Variants in XKR6 observed in about 807,000 individuals in gnomAD.
XKR6 encodes the protein XK related 6.
In XKR6, 22 loss-of-function variants were observed where a neutral mutation model predicts 56.7. The observed-to-expected ratio is 0.39, with a 90% CI of 0.28 to 0.55. The LOEUF is 0.55. Among genes scored for constraint, XKR6 ranks in the 20% least tolerant of loss-of-function variants. XKR6 has a pLI of 0.66. For missense variants in XKR6, 852 were observed against 889.0 expected (o/e 0.96, Z 0.53); for synonymous variants, 524 against 387.8 (o/e 1.35, Z -4.13).
At chr8:11,150,679 C>G (rs2116973014) in intron 1 of XKR6, among the ~76,000 whole-genome samples, 1 of 151,962 alleles carries the variant, frequency 6.6e-6, no homozygotes, top group Non-Finnish European at 1.5e-5. Context: ...ATGGTGAAAC[C>G]CCGTCTCTAC....
At chr8:10,995,174 G>A (rs977007511) in intron 1 of XKR6, among the ~76,000 whole-genome samples, 1 of 152,014 alleles carries the variant, frequency 6.6e-6, no homozygotes, top group Non-Finnish European at 1.5e-5. Flanking sequence ...ATCAGTGTAT[G>A]CCGGTAAGAG....
chr8:11,008,337 C>A (rs1047411920), intron 1 of XKR6, among the ~76,000 whole-genome samples: 2 of 151,912 alleles, frequency 1.3e-5, no homozygotes, highest in Non-Finnish European at 2.9e-5. Flanking sequence ...GAAAAGTCCA[C>A]AGACTACAGC....
intron 1 of XKR6, among the ~76,000 whole-genome samples, chr8:11,027,792 T>C (rs1044673807): frequency 2.6e-5 from 4 of 152,168 alleles, no homozygotes; most frequent in African/African-American, 4.8e-5. Flanking sequence ...ACGGTCATCA[T>C]TGTATCACAC....
At chr8:11,103,108 GTTTT>G (rs1233960876) in intron 1 of XKR6, among the ~76,000 whole-genome samples, 9 of 152,130 alleles carry the variant, frequency 5.9e-5, no homozygotes, top group Non-Finnish European at 1.2e-4. Context: ...GCTGATGGCA[GTTTT>G]TTTAATTTTA....
At chr8:11,143,179 TA>T (rs947752623) in intron 1 of XKR6, among the ~76,000 whole-genome samples, 10 of 151,452 alleles carry the variant, frequency 6.6e-5, no homozygotes, top group African/African-American at 2.4e-5. Flanking sequence ...ATAGCTAACA[TA>T]AAAAAAAGAA....
At chr8:10,941,367 C>T (rs1192839344) in intron 1 of XKR6, among the ~76,000 whole-genome samples, 1 of 152,266 alleles carries the variant, frequency 6.6e-6, no homozygotes, top group African/African-American at 2.4e-5. Context: ...CCTCCTGCTT[C>T]TGCCCTGACC....
chr8:11,114,176 C>G, intron 1 of XKR6: 1 of 362,222 alleles, frequency 2.8e-6, no homozygotes, highest in Non-Finnish European at 5.3e-6. Context: ...ATATTAGAAG[C>G]CATTTTTATC....
At chr8:10,927,625 C>A (rs1800930863) in intron 1 of XKR6, among the ~76,000 whole-genome samples, 1 of 152,178 alleles carries the variant, frequency 6.6e-6, no homozygotes, top group Non-Finnish European at 1.5e-5. Context: ...CAGTTCTACC[C>A]TTCCACGCCA....
At chr8:10,949,039 T>C (rs1474421167) in intron 1 of XKR6, among the ~76,000 whole-genome samples, 1 of 152,132 alleles carries the variant, frequency 6.6e-6, no homozygotes, top group Non-Finnish European at 1.5e-5. Flanking sequence ...CTCCACTGAG[T>C]GAGCCTCACA....
intron 1 of XKR6, among the ~76,000 whole-genome samples, chr8:11,032,413 G>A (rs1799014064): frequency 6.6e-6 from 1 of 152,204 alleles, no homozygotes; most frequent in Non-Finnish European, 1.5e-5. Context: ...TGTGTGCTGA[G>A]TACAAAGACA....
intron 1 of XKR6, among the ~76,000 whole-genome samples, chr8:11,162,021 A>G (rs529206499): frequency 1.3e-5 from 2 of 152,330 alleles, no homozygotes; most frequent in South Asian, 2.1e-4. Flanking sequence ...ACAGAGTTCT[A>G]CATCTAGAAA....
chr8:11,107,516 G>A (rs1233594557), intron 1 of XKR6, among the ~76,000 whole-genome samples: 3 of 152,280 alleles, frequency 2.0e-5, no homozygotes, highest in Non-Finnish European at 2.9e-5. Flanking sequence ...TGTGCTCGAC[G>A]TTATCCCCAC....
At chr8:11,150,733 A>C (rs1473477482) in intron 1 of XKR6, among the ~76,000 whole-genome samples, 1 of 151,796 alleles carries the variant, frequency 6.6e-6, no homozygotes, top group Admixed American at 6.6e-5. Flanking sequence ...GGCGCCTATA[A>C]TCCCAGCTAC....
chr8:10,989,597 C>A (rs1193571067), intron 1 of XKR6, among the ~76,000 whole-genome samples: 2 of 140,526 alleles, frequency 1.4e-5, no homozygotes, highest in Non-Finnish European at 3.3e-5. Context: ...GAACAGGTAA[C>A]ATTCTGTAAG....
intron 1 of XKR6, among the ~76,000 whole-genome samples, chr8:11,102,291 G>C (rs1032336527): frequency 1.3e-5 from 2 of 152,096 alleles, no homozygotes; most frequent in Non-Finnish European, 2.9e-5. Context: ...CATTTATGCC[G>C]TTAGTTTACC....
At chr8:11,126,913 G>A (rs1799829830) in intron 1 of XKR6, among the ~76,000 whole-genome samples, 1 of 152,198 alleles carries the variant, frequency 6.6e-6, no homozygotes, top group African/African-American at 2.4e-5. Context: ...TTGGCTCAGT[G>A]TGTTCCCTCC....
At chr8:11,053,822 T>C (rs1400146986) in intron 1 of XKR6, among the ~76,000 whole-genome samples, 3 of 152,196 alleles carry the variant, frequency 2.0e-5, no homozygotes, top group Non-Finnish European at 4.4e-5. Context: ...ATCCCCACCA[T>C]GCCACCTAAG....
At chr8:11,062,052 T>C (rs1272157200) in intron 1 of XKR6, among the ~76,000 whole-genome samples, 1 of 152,142 alleles carries the variant, frequency 6.6e-6, no homozygotes, top group Non-Finnish European at 1.5e-5. Flanking sequence ...AAGCACTGCA[T>C]TCCATGGGAC....
chr8:11,180,950 A>C (rs2117086955), intron 1 of XKR6, among the ~76,000 whole-genome samples: 1 of 152,336 alleles, frequency 6.6e-6, no homozygotes, highest in East Asian at 1.9e-4. Context: ...TCATTATGAA[A>C]GTCAGGGCTA....
Sources: gnomAD v4.1 joint callset for allele counts (sites outside exome capture counted in the v4.1 genomes callset) on GRCh38, gnomAD v4.1.1 for gene constraint, MANE v1.5 for transcripts, NCBI Gene and HGNC (gene_info 2026-07-23, HGNC 2026-07-21) for gene names.